Variants in SYNPR observed in about 807,000 individuals in gnomAD.
SYNPR encodes synaptoporin.
In SYNPR, 23 loss-of-function variants were observed where a neutral mutation model predicts 32.9. The observed-to-expected ratio is 0.70, with a 90% CI of 0.50 to 0.99. SYNPR has a LOEUF of 0.99. Ranked by LOEUF, SYNPR falls within the 50% of genes least tolerant of loss-of-function variation. SYNPR has a pLI of 0.00. For synonymous variants in SYNPR, 146 were observed against 135.9 expected, an observed-to-expected ratio of 1.07 and a Z score of -0.52; for missense variants, 318 against 349.3, an observed-to-expected ratio of 0.91 and a Z score of 0.71.
At position 63,305,780 on chromosome 3, in the gene SYNPR, T is replaced by G. The variant is rs540992219; in HGVS notation, c.84+27038T>G. Among the ~76,000 whole-genome samples, 10 of 152,116 alleles carry G rather than the reference T, an allele frequency of 6.6e-5. No homozygotes were observed. In the East Asian group the frequency reaches 1.8e-3, roughly 27 times the overall value. ...AGTTGTTAGATACTCTCAGAACCCC[T>G]TCCAGCCCTTCTTGCATATCCTAGG... On this transcript the variant is annotated intron_variant, in intron 2 of 5. Transcript: ENST00000478300.
At chr3:63,547,940 T>C (rs1702437511) in intron 3 of SYNPR, among the ~76,000 whole-genome samples, 1 of 152,186 alleles carries the variant, frequency 6.6e-6, no homozygotes, top group African/African-American at 2.4e-5. Context: ...GTATGCTCAA[T>C]AAATGTCAAT....
At chr3:63,343,849 G>A (rs1435519751) in intron 2 of SYNPR, among the ~76,000 whole-genome samples, 2 of 152,314 alleles carry the variant, frequency 1.3e-5, no homozygotes, top group South Asian at 2.1e-4. Flanking sequence ...TGTCTGGGAC[G>A]GTGACTCAGG....
At chr3:63,571,632 AAGAC>A (rs754891787) in intron 4 of SYNPR, among the ~76,000 whole-genome samples, 1 of 152,164 alleles carries the variant, frequency 6.6e-6, no homozygotes, top group Non-Finnish European at 1.5e-5. Flanking sequence ...TGCTCATAAA[AAGAC>A]AGTATTTCTT....
chr3:63,588,569 T>C (rs1341616794), intron 4 of SYNPR, among the ~76,000 whole-genome samples: 3 of 152,118 alleles, frequency 2.0e-5, no homozygotes, highest in Non-Finnish European at 2.9e-5. Flanking sequence ...AAGATTGATA[T>C]GGTGTTCAAT....
At chr3:63,333,940 CTG>C in intron 2 of SYNPR, among the ~76,000 whole-genome samples, 1 of 152,242 alleles carries the variant, frequency 6.6e-6, no homozygotes, top group Non-Finnish European at 1.5e-5. Context: ...TCTAAACAAA[CTG>C]TATTAAGAAT....
At chr3:63,524,081 T>TG (rs1209385857) in intron 3 of SYNPR, among the ~76,000 whole-genome samples, 2 of 131,510 alleles carry the variant, frequency 1.5e-5, no homozygotes, top group African/African-American at 2.8e-5. Flanking sequence ...ACCTCATTTC[T>TG]GTAAAAAAAA....
chr3:63,293,880 A>G (rs2086767814), intron 2 of SYNPR, among the ~76,000 whole-genome samples: 1 of 152,062 alleles, frequency 6.6e-6, no homozygotes, highest in Non-Finnish European at 1.5e-5. Context: ...ACCTCATCTT[A>G]ACTAATCATA....
intron 1 of SYNPR, among the ~76,000 whole-genome samples, chr3:63,246,440 G>T (rs1416321618): frequency 6.6e-6 from 1 of 152,068 alleles, no homozygotes; most frequent in Non-Finnish European, 1.5e-5. Flanking sequence ...CACTGGAGGT[G>T]CAGTGAACAG....
chr3:63,294,894 C>T (rs890193246), intron 2 of SYNPR, among the ~76,000 whole-genome samples: 1 of 152,026 alleles, frequency 6.6e-6, no homozygotes, highest in Non-Finnish European at 1.5e-5. Context: ...GTGGCTGAGA[C>T]ACATATATGC....
chr3:63,352,358 G>GA (rs2087521451), intron 2 of SYNPR, among the ~76,000 whole-genome samples: 1 of 152,166 alleles, frequency 6.6e-6, no homozygotes, highest in Non-Finnish European at 1.5e-5. Flanking sequence ...GATTCGGCTG[G>GA]AAAATCTGAT....
chr3:63,206,633 T>G, the SYNPR span, among the ~76,000 whole-genome samples: 2 of 152,220 alleles, frequency 1.3e-5, no homozygotes, highest in Non-Finnish European at 2.9e-5. Flanking sequence ...AATTTAAATT[T>G]TGCATTATAT....
intron 1 of SYNPR, among the ~76,000 whole-genome samples, chr3:63,232,391 A>G (rs906469469): frequency 6.6e-6 from 1 of 151,846 alleles, no homozygotes; most frequent in Admixed American, 6.6e-5. Flanking sequence ...TAGTAGAGAC[A>G]GCGTTTTTGC....
chr3:63,432,676 G>A (rs1700014893), intron 2 of SYNPR, among the ~76,000 whole-genome samples: 2 of 152,200 alleles, frequency 1.3e-5, no homozygotes, highest in Admixed American at 6.5e-5. Context: ...GTAGGAGAGG[G>A]AGAGATGGTC....
chr3:63,202,602 TA>T, the SYNPR span, among the ~76,000 whole-genome samples: 119,839 of 151,918 alleles, frequency 0.79, 47,853 homozygotes, highest in Middle Eastern at 0.86. Context: ...AGATTATTTT[TA>T]AAAAACCTCT....
At chr3:63,610,484 T>C (rs895279630) in intron 5 of SYNPR, 11 of 698,826 alleles carry the variant, frequency 1.6e-5, no homozygotes, top group Non-Finnish European at 2.9e-5. Context: ...CTTTCTGAAA[T>C]TCAATCTGCG....
chr3:63,543,628 T>G (rs1377863721), intron 3 of SYNPR, among the ~76,000 whole-genome samples: 1 of 152,142 alleles, frequency 6.6e-6, no homozygotes, highest in East Asian at 1.9e-4. Flanking sequence ...TCAGTGTCAT[T>G]GACCTCATTA....
chr3:63,223,287 A>T, the SYNPR span, among the ~76,000 whole-genome samples: 1 of 135,634 alleles, frequency 7.4e-6, no homozygotes, highest in African/African-American at 2.5e-5. Context: ...TCTACCAAAG[A>T]CCCTGAGGTT....
intron 2 of SYNPR, among the ~76,000 whole-genome samples, chr3:63,434,492 C>A (rs972661502): frequency 1.3e-5 from 2 of 151,842 alleles, no homozygotes; most frequent in African/African-American, 4.8e-5. Context: ...AAATGATCAG[C>A]GAAAAAGTCA....
At chr3:63,299,176 T>C (rs7612383) in intron 2 of SYNPR, among the ~76,000 whole-genome samples, 18,658 of 152,082 alleles carry the variant, frequency 0.12, 1,257 homozygotes, top group Non-Finnish European at 0.16. Context: ...AAAGGATATA[T>C]TGGAAAGAAT....
Sources: gnomAD v4.1 joint callset for allele counts (sites outside exome capture counted in the v4.1 genomes callset) on GRCh38, gnomAD v4.1.1 for gene constraint, MANE v1.5 for transcripts, NCBI Gene and HGNC (gene_info 2026-07-23, HGNC 2026-07-21) for gene names.